Variants in EPS8 observed in about 807,000 individuals in gnomAD.
The protein encoded by EPS8 is epidermal growth factor receptor kinase substrate 8.
A neutral mutation model predicts 103.8 loss-of-function variants in EPS8; 42 were observed. That is an observed-to-expected ratio of 0.40 (90% CI 0.32 to 0.52). The LOEUF is 0.52. Ranked by LOEUF, EPS8 falls within the 20% of genes least tolerant of loss-of-function variation. The pLI is 0.40. For missense variants in EPS8, 969 were observed against 1,005.1 expected (o/e 0.96, Z 0.49); for synonymous variants, 344 against 344.6 (o/e 1.00, Z 0.02).
At chr12:15,754,302 A>G (rs1005987942) in intron 1 of EPS8, among the ~76,000 whole-genome samples, 1 of 152,154 alleles carries the variant, frequency 6.6e-6, no homozygotes, top group African/African-American at 2.4e-5. Context: ...TCAAACCAAA[A>G]CTGTAAGCAG....
chr12:15,766,205 C>CAGTG (rs1364320704), intron 1 of EPS8, among the ~76,000 whole-genome samples: 46 of 151,718 alleles, frequency 3.0e-4, no homozygotes, highest in African/African-American at 1.1e-3. Flanking sequence ...TGGCCTGGCG[C>CAGTG]AGTGGCTCAC....
chr12:15,750,520 G>T (rs1183201182), intron 1 of EPS8, among the ~76,000 whole-genome samples: 4 of 152,108 alleles, frequency 2.6e-5, no homozygotes, highest in Non-Finnish European at 4.4e-5. Context: ...GTCTAATATG[G>T]ACAATGTTAG....
chr12:15,654,903 A>T (rs1945480685), intron 12 of EPS8, among the ~76,000 whole-genome samples: 2 of 152,184 alleles, frequency 1.3e-5, no homozygotes, highest in Non-Finnish European at 2.9e-5. Context: ...AGAAACAAAC[A>T]GGTGCAATTC....
chr12:15,734,139 C>A lies in EPS8; in HGVS notation c.-21-51167G>T, dbSNP rs1172049421. 6.6e-6 allele frequency among the ~76,000 whole-genome samples: 1 copy of A among 152,140 alleles called. No individual in the cohort carries two copies. ...TACAGGACTGAGTCATCATGCCTGGCCAGAAAATTCATTTTTAATAACCTA... is the reference window on the plus strand; with the variant it reads ...TACAGGACTGAGTCATCATGCCTGGACAGAAAATTCATTTTTAATAACCTA... On this transcript the variant is annotated intron_variant, in intron 1 of 20. Transcript: ENST00000281172. This position sits in a 1 kb window ranked among gnomAD's most constrained non-coding sequence, Gnocchi z 4.1.
At chr12:15,774,614 TAC>T (rs1947188810) in intron 1 of EPS8, among the ~76,000 whole-genome samples, 1 of 147,576 alleles carries the variant, frequency 6.8e-6, no homozygotes, top group East Asian at 1.9e-4. Context: ...AAAATATATA[TAC>T]ATATATAAAT....
At chr12:15,634,832 C>G in intron 17 of EPS8, 1 of 398,068 alleles carries the variant, frequency 2.5e-6, no homozygotes, top group East Asian at 3.6e-5. Flanking sequence ...AAAATAATAT[C>G]AATTATAATT....
In EPS8 at chr12:15,695,529, A is replaced by G. The variant is rs907383742; in HGVS notation, c.-21-12557T>C. Among the ~76,000 whole-genome samples, 12 of 152,268 alleles carry G rather than the reference A, an allele frequency of 7.9e-5. 2 individuals carry two copies. Among genetic ancestry groups the G allele is most frequent in the East Asian group, 5.8e-4 (3 of 5,204 alleles). On this transcript the variant is annotated intron_variant, in intron 1 of 20. Transcript: ENST00000281172. The surrounding 1 kb of genome is among the most constrained non-coding windows in gnomAD (Gnocchi z 5.0). Reference sequence around the variant, plus strand: ...CTGAATTTTAAGTTTTATTACATATAAATTAGTTTACATTTAAATGTTAAT... The same window carrying G: ...CTGAATTTTAAGTTTTATTACATATGAATTAGTTTACATTTAAATGTTAAT...
Position 15,639,720 on chromosome 12 carries a change from GCAGCAGAAGTATGA to G in EPS8, c.1821+969_1821+982del, listed in dbSNP as rs1945196131. The stretch of plus-strand genomic sequence containing the variant: ...AAAAGTACTGAAATAAATTGTCACG[GCAGCAGAAGTATGA>G]CCACAATTCCAGCTTTGGACAATCT... On this transcript the variant is annotated intron_variant, in intron 17 of 20. Transcript: ENST00000281172. Among the ~76,000 whole-genome samples, 3 of 152,158 alleles carry G rather than the reference GCAGCAGAAGTATGA, an allele frequency of 2.0e-5. No individual in the cohort carries two copies. In the South Asian group the frequency reaches 6.2e-4, roughly 32 times the overall value.
Position 15,706,854 on chromosome 12 carries a change from C to G in EPS8, c.-21-23882G>C, listed in dbSNP as rs1946393575. 6.6e-6 allele frequency among the ~76,000 whole-genome samples: 1 copy of G among 152,022 alleles called. No homozygotes were observed. The highest frequency in any genetic ancestry group is 2.4e-5 in the African/African-American group (1 of 41,402). On this transcript the variant is annotated intron_variant, in intron 1 of 20. Transcript: ENST00000281172. The surrounding 1 kb of genome is among the most constrained non-coding windows in gnomAD (Gnocchi z 5.2). ...ACAAGTTTTTTTTCTATTTTACATA[C>G]TAACTAAATTTATACAAATGCCCAT...
intron 1 of EPS8, among the ~76,000 whole-genome samples, chr12:15,686,785 T>A (rs776100097): frequency 6.6e-6 from 1 of 152,156 alleles, no homozygotes; most frequent in Admixed American, 6.5e-5. Flanking sequence ...GATGAGTATG[T>A]AGTCATGACT....
chr12:15,674,281 T>A (rs1223344379), intron 3 of EPS8, among the ~76,000 whole-genome samples: 2 of 152,118 alleles, frequency 1.3e-5, no homozygotes. Flanking sequence ...CCTTAGAGAG[T>A]AAGGATTTGG....
chr12:15,651,062 C>T (rs1945406431), intron 13 of EPS8, 56 bp from the exon 14 acceptor site: 2 of 1,393,494 alleles, frequency 1.4e-6, no homozygotes, highest in Admixed American at 1.9e-5. Flanking sequence ...TATCCATGCT[C>T]ACAGTTATCT....
chr12:15,633,786 C>G (rs918281143), intron 17 of EPS8, among the ~76,000 whole-genome samples: 4 of 152,170 alleles, frequency 2.6e-5, no homozygotes, highest in East Asian at 3.9e-4. Flanking sequence ...GGCAAAGTAC[C>G]TTCCTTGAAT....
intron 14 of EPS8, among the ~76,000 whole-genome samples, chr12:15,647,869 G>A (rs1399757113): frequency 1.3e-5 from 2 of 152,192 alleles, no homozygotes; most frequent in Non-Finnish European, 2.9e-5. Context: ...TTGGCAGCAG[G>A]ACTGGTTTCA....
chr12:15,773,484 G>C (rs1947175950), intron 1 of EPS8, among the ~76,000 whole-genome samples: 1 of 151,650 alleles, frequency 6.6e-6, no homozygotes. Flanking sequence ...AAGGGAGATA[G>C]ATACATGAAA....
intron 1 of EPS8, among the ~76,000 whole-genome samples, chr12:15,707,434 C>T (rs1327047706): frequency 1.3e-5 from 2 of 152,064 alleles, no homozygotes; most frequent in Non-Finnish European, 2.9e-5. Context: ...CCTATTACTT[C>T]ACCTTAATCA....
At position 15,700,507 on chromosome 12, in the gene EPS8, G is replaced by A. The variant is rs763232119; in HGVS notation, c.-21-17535C>T. On this transcript the variant is annotated intron_variant, in intron 1 of 20. Transcript: ENST00000281172. This position sits in a 1 kb window ranked among gnomAD's most constrained non-coding sequence, Gnocchi z 5.1. The stretch of plus-strand genomic sequence containing the variant: ...CTCCTTTCTGAAGCAAAATTGGTGT[G>A]AAAACAGAAACTAATTTAGAAGTAT... 6.6e-6 allele frequency among the ~76,000 whole-genome samples: 1 copy of A among 152,096 alleles called. No homozygotes were observed. Among genetic ancestry groups the A allele is most frequent in the Non-Finnish European group, 1.5e-5 (1 of 68,004 alleles).
intron 18 of EPS8, among the ~76,000 whole-genome samples, chr12:15,625,045 T>C (rs1287333351): frequency 6.6e-6 from 1 of 152,238 alleles, no homozygotes; most frequent in African/African-American, 2.4e-5. Context: ...GTATTGAATA[T>C]ATTCTACTTT....
At chr12:15,635,093 C>T (rs547310115) in intron 17 of EPS8, among the ~76,000 whole-genome samples, 104 of 152,194 alleles carry the variant, frequency 6.8e-4, no homozygotes, top group African/African-American at 2.5e-3. Flanking sequence ...AATTAGAATG[C>T]ATTACATGTA....
Sources: allele counts gnomAD v4.1 joint callset (sites outside exome capture counted in the v4.1 genomes callset), GRCh38; gene constraint gnomAD v4.1.1; non-coding constraint Gnocchi (gnomAD v3.1); transcripts MANE v1.5; gene names NCBI Gene and HGNC (gene_info 2026-07-23, HGNC 2026-07-21).